Variants in PDGFD observed in about 807,000 individuals in gnomAD.
PDGFD encodes the protein platelet derived growth factor D, also known as platelet-derived growth factor D.
A neutral mutation model predicts 44.7 loss-of-function variants in PDGFD; 30 were observed. That is an observed-to-expected ratio of 0.67 (90% CI 0.50 to 0.91). The LOEUF (loss-of-function observed/expected upper bound fraction) is 0.91, where lower values mean the gene tolerates loss of function less well. Among genes scored for constraint, PDGFD ranks in the 40% least tolerant of loss-of-function variants. The probability of loss-of-function intolerance (pLI) is 0.00; values close to 1 mark genes in which losing one functional copy is unlikely to be tolerated. For synonymous variants in PDGFD, 173 were observed against 168.4 expected (o/e 1.03, Z -0.21); for missense variants, 445 against 457.8 (o/e 0.97, Z 0.25).
At chr11:103,974,651 C>G (rs1277284821) in intron 3 of PDGFD, among the ~76,000 whole-genome samples, 1 of 152,028 alleles carries the variant, frequency 6.6e-6, no homozygotes, top group East Asian at 1.9e-4. Flanking sequence ...CTCACAGGCC[C>G]TGGTGTGTGA....
chr11:104,099,824 T>C (rs1184102036), intron 1 of PDGFD, among the ~76,000 whole-genome samples: 1 of 152,056 alleles, frequency 6.6e-6, no homozygotes, highest in Non-Finnish European at 1.5e-5. Flanking sequence ...TAGTATTTAA[T>C]ATTTATCCAA....
chr11:104,158,891 A>G (rs1228036476), intron 1 of PDGFD, among the ~76,000 whole-genome samples: 2 of 151,790 alleles, frequency 1.3e-5, no homozygotes, highest in Admixed American at 6.6e-5. Flanking sequence ...GCGGTGGCTC[A>G]AGCCTGTAAT....
chr11:103,923,375 A>C (rs1413452625), intron 6 of PDGFD, among the ~76,000 whole-genome samples: 4 of 152,186 alleles, frequency 2.6e-5, no homozygotes, highest in Non-Finnish European at 5.9e-5. Flanking sequence ...TGAAAAAAGC[A>C]ATATTAGCTT....
chr11:103,973,349 G>A (rs113765111), intron 3 of PDGFD, among the ~76,000 whole-genome samples: 6 of 149,610 alleles, frequency 4.0e-5, no homozygotes, highest in South Asian at 2.1e-4. Context: ...AGGTTTCACC[G>A]TGTTAGCCGG....
intron 1 of PDGFD, among the ~76,000 whole-genome samples, chr11:104,021,740 T>C (rs1859957376): frequency 3.3e-5 from 5 of 152,022 alleles, no homozygotes; most frequent in Admixed American, 3.3e-4. Context: ...AGCCACTGAG[T>C]TTTGGGATGG....
At chr11:104,078,712 A>G (rs1861003272) in intron 1 of PDGFD, among the ~76,000 whole-genome samples, 1 of 152,190 alleles carries the variant, frequency 6.6e-6, no homozygotes, top group African/African-American at 2.4e-5. Flanking sequence ...TGGAAGTGGT[A>G]TATCAAAATA....
Position 104,119,361 on chromosome 11 carries a change from TG to T in PDGFD, c.124+44442del, listed in dbSNP as rs1163562462. Among the ~76,000 whole-genome samples, 20 of 19,232 alleles carry T rather than the reference TG, an allele frequency of 1.0e-3. 3 individuals are homozygous for T. Among genetic ancestry groups the T allele is most frequent in the East Asian group, 5.0e-3 (3 of 600 alleles). 12.6% of individuals were successfully genotyped at this position (19,232 alleles called of 152,430 possible). ...TATATTGATATAATATATAATATAT[TG>T]ATATAATATATTGATATAATATATA... On this transcript the variant is annotated intron_variant, in intron 1 of 6. Transcript: ENST00000393158.
At chr11:104,085,943 C>T (rs72975267) in intron 1 of PDGFD, among the ~76,000 whole-genome samples, 8,460 of 152,130 alleles carry the variant, frequency 0.056, 237 homozygotes, top group African/African-American at 0.072. Flanking sequence ...TGTGTCACTG[C>T]GATTCACTGA....
chr11:103,918,701 C>G (rs1351543363), intron 6 of PDGFD, among the ~76,000 whole-genome samples: 1 of 152,134 alleles, frequency 6.6e-6, no homozygotes, highest in Admixed American at 6.6e-5. Flanking sequence ...CCAGACAAGA[C>G]AGGAGAGCAC....
chr11:104,073,790 G>T (rs1332667223), intron 1 of PDGFD, among the ~76,000 whole-genome samples: 1 of 152,104 alleles, frequency 6.6e-6, no homozygotes, highest in East Asian at 1.9e-4. Context: ...ACATTGGCGA[G>T]TTTGCAGTTA....
chr11:104,037,088 C>G (rs1225892131), intron 1 of PDGFD: 5 of 1,614,210 alleles, frequency 3.1e-6, no homozygotes, highest in Non-Finnish European at 4.2e-6. Context: ...GGGCGTGCCC[C>G]GAACCAGCCT....
chr11:104,091,905 C>T (rs1861217338), intron 1 of PDGFD, among the ~76,000 whole-genome samples: 1 of 152,070 alleles, frequency 6.6e-6, no homozygotes, highest in African/African-American at 2.4e-5. Flanking sequence ...ACAAATCTGG[C>T]TGGCAATAAA....
intron 1 of PDGFD, among the ~76,000 whole-genome samples, chr11:104,079,367 C>A (rs1245749361): frequency 1.3e-5 from 2 of 151,564 alleles, no homozygotes; most frequent in Admixed American, 1.3e-4. Context: ...AGACTAAGGG[C>A]CAATTTCTTT....
At chr11:104,126,335 T>A (rs1344319758) in intron 1 of PDGFD, among the ~76,000 whole-genome samples, 1 of 152,114 alleles carries the variant, frequency 6.6e-6, no homozygotes, top group Non-Finnish European at 1.5e-5. Context: ...CCAACAGGGC[T>A]AGGATCTAAT....
chr11:103,922,558 CT>C (rs1419343451), intron 6 of PDGFD, among the ~76,000 whole-genome samples: 6 of 151,948 alleles, frequency 3.9e-5, no homozygotes, highest in African/African-American at 1.4e-4. Context: ...TCCCCCCCGC[CT>C]TTTTGTTTGA....
intron 3 of PDGFD, among the ~76,000 whole-genome samples, chr11:103,984,393 A>C (rs1462328366): frequency 1.3e-5 from 2 of 151,594 alleles, no homozygotes; most frequent in Non-Finnish European, 2.9e-5. Flanking sequence ...GGAACAAGAC[A>C]CACTGGGGCC....
chr11:104,145,001 C>G (rs574205168), intron 1 of PDGFD, among the ~76,000 whole-genome samples: 1 of 152,118 alleles, frequency 6.6e-6, no homozygotes, highest in Non-Finnish European at 1.5e-5. Context: ...GTGAAAATAC[C>G]CTGCTTGCCT....
chr11:104,148,147 A>T (rs116417121), intron 1 of PDGFD, among the ~76,000 whole-genome samples: 239 of 152,342 alleles, frequency 1.6e-3, no homozygotes, highest in African/African-American at 5.2e-3. Context: ...AACAGAATAC[A>T]TGAAAATAAC....
intron 1 of PDGFD, among the ~76,000 whole-genome samples, chr11:104,003,602 A>C (rs1035943004): frequency 3.3e-5 from 5 of 152,254 alleles, no homozygotes; most frequent in African/African-American, 1.2e-4. Context: ...GCCTGGGCTC[A>C]GTGTGGTATT....
Sources: allele counts gnomAD v4.1 joint callset (sites outside exome capture counted in the v4.1 genomes callset), GRCh38; gene constraint gnomAD v4.1.1; transcripts MANE v1.5; gene names NCBI Gene and HGNC (gene_info 2026-07-23, HGNC 2026-07-21).